Variants in POLR3B observed in about 807,000 individuals in gnomAD.
The protein encoded by POLR3B is RNA polymerase III subunit B.
Under a neutral mutation model 147.4 loss-of-function variants are expected in POLR3B, and 96 were observed. The observed-to-expected ratio is 0.65, with a 90% CI of 0.55 to 0.77. The LOEUF is 0.77. POLR3B is among the 30% of genes least tolerant of loss of function. The pLI is 0.00. For missense variants in POLR3B, 1,036 were observed against 1,413.5 expected, an observed-to-expected ratio of 0.73 and a Z score of 4.28; for synonymous variants, 461 against 485.9, an observed-to-expected ratio of 0.95 and a Z score of 0.67.
At chr12:106,437,259 T>G (rs1449200196) in intron 17 of POLR3B, 128 bp downstream of exon 17, 1 of 752,610 alleles carries the variant, frequency 1.3e-6, no homozygotes, top group East Asian at 2.7e-5. Context: ...AAACCTATTT[T>G]GCTCCATGTG....
Position 106,457,177 on chromosome 12 carries a change from C to T in POLR3B, c.2333C>T (p.Thr778Met), listed in dbSNP as rs375480706. 1.6e-5 allele frequency: 26 copies of T among 1,612,912 alleles called. No homozygotes were observed. The highest frequency in any genetic ancestry group is 1.8e-5 in the Non-Finnish European group (21 of 1,179,152). Residue 778 changes from threonine (T) to methionine (M), a missense_variant, in exon 21 of 28, where the codon ACG becomes ATG. Around this residue, in one of 12 missense-constraint regions of POLR3B, gnomAD observed 202 missense variants for 272.8 expected, o/e 0.74. Coordinates refer to ENST00000228347, the MANE Select transcript of POLR3B (RefSeq NM_018082.6). ...RCLVYKNAKC[T>M]LKRYTNQTFD... is the part of the protein sequence containing the mutation. ...CTTGTATATAAAAATGCTAAATGTA[C>T]GTTGAAACGATACACCAATCAGACT...
At chr12:106,472,459 A>G (rs1424528993) in intron 23 of POLR3B, among the ~76,000 whole-genome samples, 6 of 147,880 alleles carry the variant, frequency 4.1e-5, no homozygotes, top group African/African-American at 1.2e-4. Flanking sequence ...CAATGGTTGA[A>G]CTAGTTTACA....
At chr12:106,401,956 G>T (rs2037074382) in intron 10 of POLR3B, among the ~76,000 whole-genome samples, 2 of 152,144 alleles carry the variant, frequency 1.3e-5, no homozygotes, top group Non-Finnish European at 2.9e-5. Context: ...TGGAAGTTCT[G>T]GCCAGGGCAA....
chr12:106,498,522 T>C (rs1340392912), intron 25 of POLR3B, among the ~76,000 whole-genome samples: 1 of 152,160 alleles, frequency 6.6e-6, no homozygotes, highest in African/African-American at 2.4e-5. Context: ...GTGTTTCTAG[T>C]GTTCTTCTGG....
At chr12:106,454,469 T>C (rs2037838796) in intron 19 of POLR3B, 33 bp from the exon 20 acceptor site, 1 of 954,900 alleles carries the variant, frequency 1.0e-6, no homozygotes, top group Admixed American at 1.7e-5. Context: ...CATAATAGAA[T>C]GTTGTATTTT....
intron 14 of POLR3B, among the ~76,000 whole-genome samples, chr12:106,430,809 T>C (rs1246029059): frequency 2.0e-5 from 3 of 152,182 alleles, no homozygotes; most frequent in Non-Finnish European, 4.4e-5. Flanking sequence ...CTCATGCTCA[T>C]GAGGGGCTCT....
chr12:106,470,725 G>A (rs897494641), intron 23 of POLR3B, among the ~76,000 whole-genome samples: 5 of 152,136 alleles, frequency 3.3e-5, no homozygotes, highest in Admixed American at 6.5e-5. Flanking sequence ...TCAGCTGCAG[G>A]TCTGTTGGAG....
intron 14 of POLR3B, 110 bp from the exon 15 acceptor site, chr12:106,432,208 T>C (rs2037519956): frequency 2.1e-6 from 2 of 934,296 alleles, no homozygotes; most frequent in Non-Finnish European, 3.5e-6. Flanking sequence ...CCCTACAAAG[T>C]TGTACTGCTT....
At chr12:106,415,626 A>T (rs962011481) in intron 12 of POLR3B, among the ~76,000 whole-genome samples, 1 of 152,202 alleles carries the variant, frequency 6.6e-6, no homozygotes, top group African/African-American at 2.4e-5. Context: ...TGCAAAGCCC[A>T]AGACACTTCT....
chr12:106,492,981 T>G (rs1476294963), intron 23 of POLR3B, among the ~76,000 whole-genome samples: 1 of 152,230 alleles, frequency 6.6e-6, no homozygotes, highest in Non-Finnish European at 1.5e-5. Flanking sequence ...CCTGAGCATG[T>G]TAAACTGGTG....
At chr12:106,466,178 T>C (rs762489575) in intron 23 of POLR3B, among the ~76,000 whole-genome samples, 10 of 152,236 alleles carry the variant, frequency 6.6e-5, no homozygotes, top group Non-Finnish European at 1.2e-4. Flanking sequence ...CATTGTGGTT[T>C]GATTTGCATT....
At chr12:106,399,966 C>A (rs2037039014) in intron 10 of POLR3B, among the ~76,000 whole-genome samples, 1 of 152,216 alleles carries the variant, frequency 6.6e-6, no homozygotes, top group Non-Finnish European at 1.5e-5. Flanking sequence ...AATGACAGAT[C>A]AAATTCACAC....
At chr12:106,478,588 A>G (rs920725584) in intron 23 of POLR3B, among the ~76,000 whole-genome samples, 1 of 152,024 alleles carries the variant, frequency 6.6e-6, no homozygotes, top group African/African-American at 2.4e-5. Flanking sequence ...CCCTTCTCTT[A>G]CAGCTTCATC....
At chr12:106,416,320 G>A (rs1593029071) in intron 12 of POLR3B, among the ~76,000 whole-genome samples, 1 of 152,172 alleles carries the variant, frequency 6.6e-6, no homozygotes, top group Admixed American at 6.5e-5. Flanking sequence ...TATATATAAT[G>A]TGTGTGCATT....
rs538729895 is a variant in POLR3B at position 106,412,217 on chromosome 12, G to GT, written c.1101+1267dup. On this transcript the variant is annotated intron_variant, in intron 12 of 27. Coordinates refer to ENST00000228347, the MANE Select transcript of POLR3B (RefSeq NM_018082.6). Reference sequence around the variant, plus strand: ...CCTCTAAAGAGTGTCCCAGTTTTTTGTTTTTTTTTTAAGACCCTCTGAACT... The same window carrying GT: ...CCTCTAAAGAGTGTCCCAGTTTTTTGTTTTTTTTTTTAAGACCCTCTGAACT... Among the ~76,000 whole-genome samples the GT allele has an allele frequency of 4.2e-3, 622 of 146,430 alleles. 6 individuals carry two copies. The highest frequency in any genetic ancestry group is 0.012 in the African/African-American group (489 of 40,056).
chr12:106,498,797 G>A (rs2038545199), intron 25 of POLR3B, among the ~76,000 whole-genome samples: 1 of 152,174 alleles, frequency 6.6e-6, no homozygotes, highest in Non-Finnish European at 1.5e-5. Context: ...AGTTGGCCAG[G>A]CTGGTCTCGA....
At chr12:106,503,938 G>A (rs1438453424) in intron 26 of POLR3B, 143 bp from the exon 27 acceptor site, 10 of 740,876 alleles carry the variant, frequency 1.3e-5, no homozygotes, top group Admixed American at 4.1e-5. Flanking sequence ...GCTAAGCAGC[G>A]TGTCCAAGGT....
chr12:106,427,070 C>A, intron 12 of POLR3B, 127 bp from the exon 13 acceptor site: 1 of 673,022 alleles, frequency 1.5e-6, no homozygotes. Flanking sequence ...TTGAAAATAG[C>A]AATTTTTTTT....
At chr12:106,471,962 C>A (rs1157140318) in intron 23 of POLR3B, among the ~76,000 whole-genome samples, 1 of 148,552 alleles carries the variant, frequency 6.7e-6, no homozygotes, top group East Asian at 2.0e-4. Flanking sequence ...GCTGCACCCA[C>A]TAACTCGTCA....
Sources: gnomAD v4.1 joint callset for allele counts (sites outside exome capture counted in the v4.1 genomes callset) on GRCh38, gnomAD v4.1.1 for gene constraint, gnomAD v4.1.1 regional missense constraint, MANE v1.5 for transcripts, NCBI Gene and HGNC (gene_info 2026-07-23, HGNC 2026-07-21) for gene names.